Variants in FRMD4A observed in about 807,000 individuals in gnomAD.
FRMD4A encodes FERM domain containing 4A.
FRMD4A carries 29 observed loss-of-function variants against 129.1 expected under a neutral mutation model. The observed-to-expected ratio is 0.22, with a 90% confidence interval of 0.17 to 0.31. FRMD4A has a LOEUF of 0.31. Among genes scored for constraint, FRMD4A ranks in the 10% least tolerant of loss-of-function variants. The probability of loss-of-function intolerance (pLI) is 1.00; values close to 1 mark genes in which losing one functional copy is unlikely to be tolerated. For missense variants in FRMD4A, 1,272 were observed against 1,375.8 expected, an observed-to-expected ratio of 0.92 and a Z score of 1.19; for synonymous variants, 634 against 571.6, an observed-to-expected ratio of 1.11 and a Z score of -1.56.
At chr10:13,921,879 T>C (rs1046517257) in intron 2 of FRMD4A, among the ~76,000 whole-genome samples, 1 of 152,216 alleles carries the variant, frequency 6.6e-6, no homozygotes, top group Admixed American at 6.5e-5. Context: ...TGGTGACTGC[T>C]AGGGACTAAA....
At chr10:14,184,185 G>A (rs534851581) in intron 2 of FRMD4A, among the ~76,000 whole-genome samples, 16 of 139,480 alleles carry the variant, frequency 1.1e-4, no homozygotes, top group East Asian at 4.4e-4. Context: ...AGGCTGGAGC[G>A]CGGTGGTGCC....
chr10:14,183,568 G>A (rs1166403137), intron 2 of FRMD4A, among the ~76,000 whole-genome samples: 2 of 148,214 alleles, frequency 1.3e-5, no homozygotes, highest in Non-Finnish European at 3.0e-5. Context: ...AAATTTCCTT[G>A]GCCAGCTTCA....
chr10:13,688,730 T>C (rs2085352044), intron 15 of FRMD4A, among the ~76,000 whole-genome samples: 1 of 152,124 alleles, frequency 6.6e-6, no homozygotes, highest in Admixed American at 6.5e-5. Context: ...TTACTTATTT[T>C]AGAGACAGAG....
In FRMD4A at chr10:14,223,244, C is replaced by G. The variant is rs1352686045; in HGVS notation, c.45+106814G>C. Among the ~76,000 whole-genome samples, 3 of 152,194 alleles carry G rather than the reference C, an allele frequency of 2.0e-5. No homozygotes were observed. The East Asian group carries it at 5.8e-4, about 29-fold the overall frequency. ...AGGCAAAGTCATCATGGTGCCTCTC[C>G]CCAGAACCACCTTTTCTCCATTGGG... On this transcript the variant is annotated intron_variant, in intron 2 of 24. Transcript: ENST00000357447.
intron 2 of FRMD4A, among the ~76,000 whole-genome samples, chr10:13,891,422 G>T (rs2094694917): frequency 6.6e-6 from 1 of 151,788 alleles, no homozygotes; most frequent in Non-Finnish European, 1.5e-5. Flanking sequence ...CGAGGGGAGG[G>T]TTGCAGAAGA....
At chr10:14,152,958 G>A (rs1374446064) in intron 2 of FRMD4A, among the ~76,000 whole-genome samples, 2 of 152,194 alleles carry the variant, frequency 1.3e-5, no homozygotes, top group Non-Finnish European at 2.9e-5. Flanking sequence ...CCAGGAAGGA[G>A]GCAAGATCCC....
At chr10:13,787,751 C>CTT (rs368308653) in intron 5 of FRMD4A, among the ~76,000 whole-genome samples, 1 of 140,974 alleles carries the variant, frequency 7.1e-6, no homozygotes. Context: ...GCCTCTTCTT[C>CTT]TTTTTTTTTT....
At chr10:13,752,460 T>C (rs143519066) in intron 8 of FRMD4A, among the ~76,000 whole-genome samples, 2 of 152,334 alleles carry the variant, frequency 1.3e-5, no homozygotes, top group Admixed American at 1.3e-4. Flanking sequence ...GAAATAACTT[T>C]TTCAAGAAAG....
rs1454273816 is a variant in FRMD4A at position 14,327,245 on chromosome 10, T to TAATAATA, written c.45+2812_45+2813insTATTATT. On this transcript the variant is annotated intron_variant, in intron 2 of 24. Coordinates refer to ENST00000357447, the MANE Select transcript of FRMD4A (RefSeq NM_018027.5). ...ACTAATGATCATCCGTGTCAGCTAA[T>TAATAATA]AATATGAAACATATCTGCCCTAGCA... Among the ~76,000 whole-genome samples the TAATAATA allele has an allele frequency of 6.6e-5, 10 of 152,352 alleles. No homozygotes were observed. In the East Asian group the frequency reaches 1.9e-3, roughly 29 times the overall value.
chr10:13,912,260 C>A (rs1426772925), intron 2 of FRMD4A, among the ~76,000 whole-genome samples: 1 of 152,154 alleles, frequency 6.6e-6, no homozygotes, highest in Non-Finnish European at 1.5e-5. Flanking sequence ...GATCAGGGCC[C>A]TTGTGCACTG....
At chr10:13,948,724 T>A (rs1366305869) in intron 2 of FRMD4A, among the ~76,000 whole-genome samples, 1 of 146,966 alleles carries the variant, frequency 6.8e-6, no homozygotes, top group East Asian at 2.0e-4. Context: ...CAGTCTCGGC[T>A]CACTGCAACC....
chr10:13,658,305 G>C (rs1207007113), intron 21 of FRMD4A, among the ~76,000 whole-genome samples: 1 of 152,156 alleles, frequency 6.6e-6, no homozygotes, highest in Non-Finnish European at 1.5e-5. Context: ...ATAGAAGGTT[G>C]GTGGCAAATG....
chr10:14,181,674 C>T (rs1263631492), intron 2 of FRMD4A, among the ~76,000 whole-genome samples: 2 of 152,126 alleles, frequency 1.3e-5, no homozygotes, highest in Non-Finnish European at 2.9e-5. Context: ...TATATGTACG[C>T]ATTGTGAAAT....
intron 2 of FRMD4A, among the ~76,000 whole-genome samples, chr10:14,075,308 A>T (rs1247372213): frequency 6.6e-6 from 1 of 152,206 alleles, no homozygotes; most frequent in Non-Finnish European, 1.5e-5. Flanking sequence ...TATTTTCTTA[A>T]CACCTAATGG....
intron 15 of FRMD4A, chr10:13,693,556 T>A: frequency 8.4e-7 from 1 of 1,194,580 alleles, no homozygotes; most frequent in Non-Finnish European, 1.1e-6. Context: ...ATGAGCGGAT[T>A]CCACTTTTCA....
chr10:13,703,032 A>C (rs908501448), intron 13 of FRMD4A, among the ~76,000 whole-genome samples: 7 of 152,180 alleles, frequency 4.6e-5, no homozygotes, highest in African/African-American at 1.7e-4. Flanking sequence ...ATTTAAAAGA[A>C]AACAGGGATC....
chr10:14,330,706 G>A lies in FRMD4A; in HGVS notation c.-191C>T. The stretch of plus-strand genomic sequence containing the variant: ...GAGTCTGACCATGAGGCACCAGGCA[G>A]TCACTGGAGATCAGCAAATGCCCTT... On this transcript the variant is annotated 5_prime_UTR_variant, in exon 1 of 25. Coordinates refer to ENST00000357447, the MANE Select transcript of FRMD4A (RefSeq NM_018027.5). 2.5e-6 allele frequency: 1 copy of A among 398,930 alleles called. No individual in the cohort carries two copies. 24.7% of individuals were successfully genotyped at this position (398,930 alleles called of 1,614,324 possible). A position where few individuals can be genotyped will look rare whatever the true frequency, so the allele number is the denominator to read the frequency against.
chr10:13,914,236 C>G (rs2094975121), intron 2 of FRMD4A, among the ~76,000 whole-genome samples: 1 of 152,188 alleles, frequency 6.6e-6, no homozygotes, highest in Non-Finnish European at 1.5e-5. Flanking sequence ...ATGATCTACT[C>G]AAGGTCAAGA....
chr10:13,654,379 G>C (rs754563506), intron 23 of FRMD4A, 37 bp downstream of exon 23: 2 of 1,292,668 alleles, frequency 1.5e-6, no homozygotes, highest in Admixed American at 3.4e-5. Context: ...ACACTCTTTC[G>C]AGCTGACACA....
Sources: allele counts gnomAD v4.1 joint callset (sites outside exome capture counted in the v4.1 genomes callset), GRCh38; gene constraint gnomAD v4.1.1; transcripts MANE v1.5; gene names NCBI Gene and HGNC (gene_info 2026-07-23, HGNC 2026-07-21).